The following NEGR1 variants were observed in gnomAD, a reference collection of about 807,000 sequenced individuals.
NEGR1 encodes neuronal growth regulator 1, also known as IgLON family member 4.
In NEGR1, 10 loss-of-function variants were observed where a neutral mutation model predicts 40.9. That is an observed-to-expected ratio of 0.24 (90% CI 0.15 to 0.42). NEGR1 has a LOEUF of 0.42. NEGR1 is among the 10% of genes least tolerant of loss of function. The pLI, the probability that NEGR1 is intolerant of heterozygous loss-of-function variation, is 1.00. For synonymous variants in NEGR1, 185 were observed against 166.8 expected, an observed-to-expected ratio of 1.11 and a Z score of -0.84; for missense variants, 352 against 438.9, an observed-to-expected ratio of 0.80 and a Z score of 1.77.
chr1:71,426,266 G>T (rs1054192081), intron 6 of NEGR1, among the ~76,000 whole-genome samples: 2 of 152,168 alleles, frequency 1.3e-5, no homozygotes, highest in African/African-American at 4.8e-5. Flanking sequence ...TTATCAGCAT[G>T]AATAGAAGAA....
intron 6 of NEGR1, among the ~76,000 whole-genome samples, chr1:71,523,211 C>A (rs779576844): frequency 6.6e-6 from 1 of 151,556 alleles, no homozygotes; most frequent in Non-Finnish European, 1.5e-5. Flanking sequence ...AGCCAATGAG[C>A]AGGTAAGTTT....
intron 1 of NEGR1, among the ~76,000 whole-genome samples, chr1:72,152,726 T>C (rs1478865148): frequency 1.3e-5 from 2 of 151,958 alleles, no homozygotes; most frequent in Non-Finnish European, 2.9e-5. Flanking sequence ...TCAACCCAGG[T>C]GCCCATCAAT....
chr1:72,026,558 A>C (rs888126146), intron 1 of NEGR1, among the ~76,000 whole-genome samples: 11 of 151,758 alleles, frequency 7.2e-5, no homozygotes, highest in South Asian at 2.1e-4. Context: ...AACAAAAAAA[A>C]CCCTCATTCC....
chr1:71,557,652 A>T (rs564546361), intron 6 of NEGR1, among the ~76,000 whole-genome samples: 70 of 151,698 alleles, frequency 4.6e-4, no homozygotes, highest in Admixed American at 1.3e-3. Context: ...GTCCCTATAT[A>T]CACTCTACTC....
chr1:71,830,268 A>C (rs559581068), intron 2 of NEGR1, among the ~76,000 whole-genome samples: 1 of 151,926 alleles, frequency 6.6e-6, no homozygotes, highest in Admixed American at 6.6e-5. Flanking sequence ...CTGAATATCT[A>C]CTTGGTGTTC....
rs186418017 is a variant in NEGR1 at position 71,639,539 on chromosome 1, T to G, written c.668-28393A>C. Among the ~76,000 whole-genome samples, 406 of 152,178 alleles carry G rather than the reference T, an allele frequency of 2.7e-3. 1 individual carries two copies. Among genetic ancestry groups the G allele is most frequent in the African/African-American group, 8.5e-3 (355 of 41,548 alleles). On this transcript the variant is annotated intron_variant, in intron 4 of 6. Coordinates refer to ENST00000357731, the MANE Select transcript of NEGR1 (RefSeq NM_173808.3). The stretch of plus-strand genomic sequence containing the variant: ...GAAGTATAGTGGAAGAATATGTGTA[T>G]GCGCACCTCTGCACATGTTTGTAGG...
At chr1:72,197,201 C>A (rs2100439837) in intron 1 of NEGR1, among the ~76,000 whole-genome samples, 1 of 151,922 alleles carries the variant, frequency 6.6e-6, no homozygotes, top group East Asian at 1.9e-4. Flanking sequence ...ATAAATAAGT[C>A]CTAAAAGTTA....
In NEGR1 at chr1:71,420,478, A is replaced by G. The variant is rs1179755763; in HGVS notation, c.941-12908T>C. On this transcript the variant is annotated intron_variant, in intron 6 of 6. Transcript: ENST00000357731. ...TACCTAATTCTTAGCTTTTAGGACT[A>G]TGTAGTCAAGTAGAAAAAAAACATT... is the stretch of plus-strand genomic sequence containing the variant. 2.6e-5 allele frequency among the ~76,000 whole-genome samples: 4 copies of G among 152,072 alleles called. No individual in the cohort carries two copies. The South Asian group carries it at 6.2e-4, about 24-fold the overall frequency.
At chr1:71,547,372 G>GT (rs1267560329) in intron 6 of NEGR1, among the ~76,000 whole-genome samples, 1 of 151,740 alleles carries the variant, frequency 6.6e-6, no homozygotes, top group Admixed American at 6.6e-5. Flanking sequence ...GAGAGCATGT[G>GT]TATTTTGCAA....
At chr1:71,685,704 C>A (rs1205002718) in intron 4 of NEGR1, among the ~76,000 whole-genome samples, 4 of 152,154 alleles carry the variant, frequency 2.6e-5, no homozygotes, top group Non-Finnish European at 5.9e-5. Flanking sequence ...CCCCTTCCTC[C>A]CCACACCAAA....
At chr1:71,508,279 C>T (rs908222000) in intron 6 of NEGR1, among the ~76,000 whole-genome samples, 10 of 152,166 alleles carry the variant, frequency 6.6e-5, no homozygotes, top group Admixed American at 5.2e-4. Flanking sequence ...CAGTTGAATG[C>T]AGGTGGACTC....
intron 6 of NEGR1, among the ~76,000 whole-genome samples, chr1:71,589,073 A>C (rs1649410336): frequency 6.6e-6 from 1 of 152,078 alleles, no homozygotes; most frequent in Non-Finnish European, 1.5e-5. Context: ...TCTGGCTTCT[A>C]CTCTCAGTTT....
chr1:72,000,344 C>T (rs974601237), intron 1 of NEGR1, among the ~76,000 whole-genome samples: 2 of 151,806 alleles, frequency 1.3e-5, no homozygotes, highest in Non-Finnish European at 2.9e-5. Context: ...ATTTCCAATT[C>T]CACACAAAAT....
At chr1:71,788,034 G>C (rs1656973839) in intron 2 of NEGR1, among the ~76,000 whole-genome samples, 1 of 152,034 alleles carries the variant, frequency 6.6e-6, no homozygotes, top group Non-Finnish European at 1.5e-5. Flanking sequence ...TTCTGAGAAT[G>C]GGTTTCATCC....
chr1:71,993,620 G>C (rs1646474891), intron 1 of NEGR1, among the ~76,000 whole-genome samples: 1 of 152,134 alleles, frequency 6.6e-6, no homozygotes, highest in South Asian at 2.1e-4. Context: ...AATAATAATA[G>C]TGACAATGAT....
chr1:71,707,255 T>C (rs515545), intron 3 of NEGR1, among the ~76,000 whole-genome samples: 76,102 of 151,922 alleles, frequency 0.5, 19,145 homozygotes, highest in East Asian at 0.7. Context: ...TGCCCTGGGC[T>C]AGAGGGGAGC....
chr1:72,105,975 T>G (rs924935291), intron 1 of NEGR1, among the ~76,000 whole-genome samples: 1 of 152,084 alleles, frequency 6.6e-6, no homozygotes, highest in Non-Finnish European at 1.5e-5. Flanking sequence ...AGTGAAAACC[T>G]AGATATAACT....
intron 1 of NEGR1, among the ~76,000 whole-genome samples, chr1:72,190,754 A>T (rs1416165365): frequency 2.0e-5 from 3 of 151,612 alleles, no homozygotes; most frequent in Non-Finnish European, 4.4e-5. Context: ...ATGTATAAGA[A>T]AACTAGGGCC....
chr1:71,876,845 C>T (rs1053163785), intron 2 of NEGR1, among the ~76,000 whole-genome samples: 7 of 152,012 alleles, frequency 4.6e-5, no homozygotes, highest in African/African-American at 1.7e-4. Context: ...CTAAACTAAA[C>T]TCTAAATTAG....
Sources: allele counts gnomAD v4.1 joint callset (sites outside exome capture counted in the v4.1 genomes callset), GRCh38; gene constraint gnomAD v4.1.1; transcripts MANE v1.5; gene names NCBI Gene and HGNC (gene_info 2026-07-23, HGNC 2026-07-21).